Variants in IRAK1BP1 observed in about 807,000 individuals in gnomAD.
The protein encoded by IRAK1BP1 is interleukin-1 receptor-associated kinase 1-binding protein 1.
IRAK1BP1 carries 24 observed loss-of-function variants against 28.0 expected under a neutral mutation model. The observed-to-expected ratio is 0.86, with a 90% CI of 0.62 to 1.20. The LOEUF (loss-of-function observed/expected upper bound fraction) is 1.20. Among genes scored for constraint, IRAK1BP1 ranks in the 50% most tolerant of loss-of-function variants. The pLI, the probability that IRAK1BP1 is intolerant of heterozygous loss-of-function variation, is 0.00. For missense variants in IRAK1BP1, 336 were observed against 316.7 expected, an observed-to-expected ratio of 1.06 and a Z score of -0.46; for synonymous variants, 131 against 116.3, an observed-to-expected ratio of 1.13 and a Z score of -0.81.
At chr6:78,895,126 A>T (rs988947631) in intron 2 of IRAK1BP1, among the ~76,000 whole-genome samples, 13 of 152,080 alleles carry the variant, frequency 8.5e-5, no homozygotes, top group Non-Finnish European at 1.5e-5. Context: ...AAAAAAAAAA[A>T]AGTATTTGAA....
chr6:78,936,084 GTT>G (rs1227476240), intron 4 of IRAK1BP1: 4 of 151,834 alleles, frequency 2.6e-5, no homozygotes, highest in Admixed American at 6.6e-5. Flanking sequence ...TGAAACTGCT[GTT>G]TATAATATGA....
the IRAK1BP1 span, among the ~76,000 whole-genome samples, chr6:78,953,084 A>AT: frequency 6.6e-6 from 1 of 151,502 alleles, no homozygotes; most frequent in Non-Finnish European, 1.5e-5. Flanking sequence ...AAGGATTAAC[A>AT]TTTTTTCCAT....
At chr6:78,916,106 C>T (rs538000517) in intron 4 of IRAK1BP1, among the ~76,000 whole-genome samples, 193 of 152,294 alleles carry the variant, frequency 1.3e-3, no homozygotes, top group Non-Finnish European at 2.3e-3. Flanking sequence ...TTTAAATACC[C>T]TCTAGAGGTT....
At chr6:78,878,868 A>G (rs1771111656) in intron 1 of IRAK1BP1, among the ~76,000 whole-genome samples, 1 of 152,216 alleles carries the variant, frequency 6.6e-6, no homozygotes, top group Admixed American at 6.5e-5. Context: ...AAGCTTCAGT[A>G]GCCGATTAGA....
the IRAK1BP1 span, chr6:78,970,977 C>A: frequency 1.2e-6 from 1 of 807,854 alleles, no homozygotes; most frequent in Non-Finnish European, 2.0e-6. Context: ...AAGAGAAAAT[C>A]TAATGCCTTT....
Position 78,897,866 on chromosome 6 carries a change from A to G in IRAK1BP1, c.419A>G (p.Asn140Ser), listed in dbSNP as rs543103834. The G allele has an allele frequency of 7.4e-6, 12 of 1,613,628 alleles. No individual in the cohort carries two copies. Among genetic ancestry groups the G allele is most frequent in the East Asian group, 2.2e-5 (1 of 44,862 alleles). ...TTTACTGAATTTGGAAAAATGCAAAATATTTGTAACTTTCTTGTTGAAAAG... is the reference window on the plus strand; with the variant it reads ...TTTACTGAATTTGGAAAAATGCAAAGTATTTGTAACTTTCTTGTTGAAAAG... ...ITFTEFGKMQ[N>S]ICNFLVEKLD... Residue 140 changes from asparagine (N) to serine (S), a missense_variant, in exon 3 of 4, where the codon AAT (asparagine) becomes AGT (serine). Coordinates refer to ENST00000369940, the MANE Select transcript of IRAK1BP1 (RefSeq NM_001010844.4).
At chr6:78,948,240 TCTC>T (rs1773935518), downstream of IRAK1BP1, among the ~76,000 whole-genome samples, 1 of 152,200 alleles carries the variant, frequency 6.6e-6, no homozygotes, top group Admixed American at 6.5e-5. Context: ...GTTCTAGTAA[TCTC>T]AACTTCAGTA....
chr6:78,923,222 G>T (rs1228890839), intron 4 of IRAK1BP1, among the ~76,000 whole-genome samples: 1 of 151,794 alleles, frequency 6.6e-6, no homozygotes, highest in Non-Finnish European at 1.5e-5. Flanking sequence ...TAAACAGAAG[G>T]AGGAAGATCT....
rs1436721595 is a variant in IRAK1BP1 at position 78,899,662 on chromosome 6, C to G, written c.*1328C>G. 1 of 152,150 alleles carries G rather than the reference C, an allele frequency of 6.6e-6. No homozygotes were observed. The highest frequency in any genetic ancestry group is 1.5e-5 in the Non-Finnish European group (1 of 68,056). The allele number at this position is 152,150 out of a possible 1,614,324, so 9.4% of individuals were successfully genotyped here. ...GTACGATCTCAGCTCACTGCAACCT[C>G]TGCCTCCTGAATTTAAGCGATTCTC... On this transcript the variant is annotated 3_prime_UTR_variant, in exon 4 of 4. Transcript: ENST00000369940.
chr6:78,893,286 GTA>G lies in IRAK1BP1; in HGVS notation c.382-4537_382-4536del, dbSNP rs70977750. On this transcript the variant is annotated intron_variant, in intron 2 of 3. Coordinates refer to ENST00000369940, the MANE Select transcript of IRAK1BP1 (RefSeq NM_001010844.4). The stretch of plus-strand genomic sequence containing the variant: ...AACTAAAAGGTGTATATATATGTGT[GTA>G]TATATGTGTGTGTGTGTGTGTGTGT... Among the ~76,000 whole-genome samples, 271 of 126,310 alleles carry G rather than the reference GTA, an allele frequency of 2.1e-3. 4 individuals carry two copies. Among genetic ancestry groups the G allele is most frequent in the South Asian group, 0.014 (48 of 3,490 alleles). The allele number at this position is 126,310 out of a possible 152,430, so 82.9% of individuals were successfully genotyped here.
the IRAK1BP1 span, among the ~76,000 whole-genome samples, chr6:78,978,111 T>C: frequency 5.9e-5 from 9 of 152,200 alleles, no homozygotes; most frequent in East Asian, 1.7e-3. Context: ...CATCCTCAGT[T>C]TCTTAAAAAT....
At chr6:78,928,651 G>T (rs923658177) in intron 4 of IRAK1BP1, among the ~76,000 whole-genome samples, 89 of 152,056 alleles carry the variant, frequency 5.9e-4, no homozygotes, top group Non-Finnish European at 1.0e-3. Flanking sequence ...CTAGCTGTGG[G>T]TCTCTAATAT....
chr6:78,869,013 A>G (rs1770696709), intron 1 of IRAK1BP1, among the ~76,000 whole-genome samples: 1 of 152,216 alleles, frequency 6.6e-6, no homozygotes, highest in South Asian at 2.1e-4. Flanking sequence ...ACAAACATAC[A>G]AGTTATTACA....
chr6:78,878,319 A>G (rs1450912574), intron 1 of IRAK1BP1, among the ~76,000 whole-genome samples: 2 of 152,214 alleles, frequency 1.3e-5, no homozygotes, highest in African/African-American at 2.4e-5. Flanking sequence ...AAGATCAGGC[A>G]GCAACGTTTG....
At chr6:78,883,382 T>C (rs1049820527) in intron 1 of IRAK1BP1, among the ~76,000 whole-genome samples, 2 of 152,190 alleles carry the variant, frequency 1.3e-5, no homozygotes, top group South Asian at 4.1e-4. Flanking sequence ...TTAACAGTAA[T>C]GGGGTTTGAG....
At chr6:78,965,432 A>G in the IRAK1BP1 span, among the ~76,000 whole-genome samples, 3 of 152,184 alleles carry the variant, frequency 2.0e-5, no homozygotes, top group Admixed American at 6.5e-5. Flanking sequence ...CCAAATGCAC[A>G]CTTTCTTGGG....
At chr6:78,885,354 A>T in intron 1 of IRAK1BP1, 24 bp from the exon 2 acceptor site, 2 of 1,377,638 alleles carry the variant, frequency 1.5e-6, no homozygotes, top group South Asian at 1.2e-5. Flanking sequence ...TAGTAATCAT[A>T]CTCTTGGACT....
downstream of IRAK1BP1, among the ~76,000 whole-genome samples, chr6:78,905,308 C>T (rs541578248): frequency 5.9e-5 from 9 of 152,180 alleles, no homozygotes; most frequent in Non-Finnish European, 1.0e-4. Context: ...ACTGCAACAG[C>T]CACCTAAATA....
At chr6:78,905,470 A>T (rs1772237315), downstream of IRAK1BP1, among the ~76,000 whole-genome samples, 1 of 152,240 alleles carries the variant, frequency 6.6e-6, no homozygotes, top group Non-Finnish European at 1.5e-5. Context: ...AATATTCAGA[A>T]AGGGACAGAG....
Sources: gnomAD v4.1 joint callset for allele counts (sites outside exome capture counted in the v4.1 genomes callset) on GRCh38, gnomAD v4.1.1 for gene constraint, MANE v1.5 for transcripts, NCBI Gene and HGNC (gene_info 2026-07-23, HGNC 2026-07-21) for gene names.